Variants in GNG7 observed in about 807,000 individuals in gnomAD.
The protein encoded by GNG7 is G protein subunit gamma 7, also known as guanine nucleotide-binding protein G(I)/G(S)/G(O) subunit gamma-7.
Under a neutral mutation model 4.0 loss-of-function variants are expected in GNG7, and 1 was observed. That is an observed-to-expected ratio of 0.25 (90% CI 0.09 to 1.18). The LOEUF is 1.18. Among genes scored for constraint, GNG7 ranks in the 50% most tolerant of loss-of-function variants. The probability of loss-of-function intolerance (pLI) is 0.50; values close to 1 mark genes in which losing one functional copy is unlikely to be tolerated. For missense variants in GNG7, 86 were observed against 91.9 expected (o/e 0.94, Z 0.26); for synonymous variants, 34 against 36.9 (o/e 0.92, Z 0.29).
intron 2 of GNG7, among the ~76,000 whole-genome samples, chr19:2,627,612 C>T (rs1216433040): frequency 6.6e-6 from 1 of 152,228 alleles, no homozygotes. Context: ...GGGTGACTGG[C>T]TCGAGACTTG....
At chr19:2,602,897 T>TTTTCTTTCTTTCTTTCTTTC (rs375016997) in intron 2 of GNG7, among the ~76,000 whole-genome samples, 1 of 103,306 alleles carries the variant, frequency 9.7e-6, no homozygotes, top group African/African-American at 4.4e-5. Context: ...CTTTTTCTCT[T>TTTTCTTTCTTTCTTTCTTTC]TTTCTTTCTT....
chr19:2,560,988 A>C (rs543274132), intron 2 of GNG7, among the ~76,000 whole-genome samples: 162 of 151,332 alleles, frequency 1.1e-3, no homozygotes, highest in African/African-American at 3.7e-3. Flanking sequence ...TTGGGAAAAC[A>C]GTTGAATGCA....
At chr19:2,679,585 T>TA (rs1226529583) in intron 1 of GNG7, among the ~76,000 whole-genome samples, 2 of 152,176 alleles carry the variant, frequency 1.3e-5, no homozygotes, top group Non-Finnish European at 2.9e-5. Context: ...GTAGGCATTC[T>TA]AAATCCAATG....
intron 1 of GNG7, among the ~76,000 whole-genome samples, chr19:2,681,714 C>CAT (rs1983740554): frequency 6.6e-6 from 1 of 152,146 alleles, no homozygotes; most frequent in African/African-American, 2.4e-5. Context: ...AGCTGTACCA[C>CAT]ATGATGTTCC....
chr19:2,525,970 A>ATTTTTTTTTTTTTTTTTTT (rs1568231777), intron 3 of GNG7, among the ~76,000 whole-genome samples: 2 of 26,786 alleles, frequency 7.5e-5, no homozygotes, highest in African/African-American at 5.8e-4. Context: ...CCTCCACGCC[A>ATTTTTTTTTTTTTTTTTTT]ATTTTTTTTT....
chr19:2,662,607 T>C lies in GNG7; in HGVS notation c.-134-16327A>G, dbSNP rs140226865. 8.3e-3 allele frequency among the ~76,000 whole-genome samples: 1,262 copies of C among 152,302 alleles called. 6 individuals are homozygous for C. Among genetic ancestry groups the C allele is most frequent in the Middle Eastern group, 0.031 (9 of 294 alleles). On this transcript the variant is annotated intron_variant, in intron 1 of 4. Transcript: ENST00000382159. ...ATTACAAAGAATACAGACGAAAAGATGCATAGGATGAGGTATAGGGAAGAA... is the reference window on the plus strand; with the variant it reads ...ATTACAAAGAATACAGACGAAAAGACGCATAGGATGAGGTATAGGGAAGAA...
intron 1 of GNG7, among the ~76,000 whole-genome samples, chr19:2,670,247 C>A (rs1428659107): frequency 6.6e-6 from 1 of 152,154 alleles, no homozygotes; most frequent in Non-Finnish European, 1.5e-5. Context: ...GCCACGGAGA[C>A]CCACCCTCCC....
At chr19:2,520,574 C>T in intron 4 of GNG7, 34 bp downstream of exon 4, 1 of 1,306,836 alleles carries the variant, frequency 7.7e-7, no homozygotes, top group Non-Finnish European at 1.1e-6. Flanking sequence ...CCAAGGGTCT[C>T]TCCCCTCCTC....
chr19:2,696,167 A>G lies in GNG7; in HGVS notation c.-135+6479T>C, dbSNP rs896067020. On this transcript the variant is annotated intron_variant, in intron 1 of 4. Transcript: ENST00000382159. ...GCAAGACTCCGTCAAAAAAAAAGAA[A>G]AGAGAGAAAGAGAGAGAGGAGAGAG... Among the ~76,000 whole-genome samples, 15 of 149,606 alleles carry G rather than the reference A, an allele frequency of 1.0e-4. 1 individual carries two copies. Among genetic ancestry groups the G allele is most frequent in the African/African-American group, 3.7e-4 (15 of 40,246 alleles).
intron 2 of GNG7, among the ~76,000 whole-genome samples, chr19:2,597,771 C>T (rs1219598361): frequency 1.3e-5 from 2 of 150,760 alleles, no homozygotes; most frequent in Admixed American, 6.6e-5. Context: ...TGGCGGGCGC[C>T]TGTAGTGCCA....
chr19:2,660,506 C>T (rs1407972126), intron 1 of GNG7, among the ~76,000 whole-genome samples: 1 of 152,198 alleles, frequency 6.6e-6, no homozygotes. Context: ...TGTGGTGGCT[C>T]ACGCCTGTGA....
At position 2,525,971 on chromosome 19, in the gene GNG7, A is replaced by ATTTTTT. The variant is rs35639922; in HGVS notation, c.-37-5252_-37-5247dup. Among the ~76,000 whole-genome samples, 62 of 75,674 alleles carry ATTTTTT rather than the reference A, an allele frequency of 8.2e-4. 6 individuals are homozygous for ATTTTTT. The highest frequency in any genetic ancestry group is 0.011 in the Middle Eastern group (1 of 94). 49.6% of individuals were successfully genotyped at this position (75,674 alleles called of 152,430 possible). A position where few individuals can be genotyped will look rare whatever the true frequency, so the allele number is the denominator to read the frequency against. ...ATTACAGGTGCCTGCCTCCACGCCA[A>ATTTTTT]TTTTTTTTTTTTTTTTTGAGACAGA... On this transcript the variant is annotated intron_variant, in intron 3 of 4. Transcript: ENST00000382159.
intron 3 of GNG7, among the ~76,000 whole-genome samples, chr19:2,525,596 G>C (rs11881279): frequency 0.43 from 65,480 of 151,524 alleles, 14,599 homozygotes; most frequent in African/African-American, 0.57. Flanking sequence ...CCAGTGCACA[G>C]AAGGGCTGAA....
intron 4 of GNG7, among the ~76,000 whole-genome samples, chr19:2,516,404 T>C (rs960457897): frequency 6.6e-6 from 1 of 152,090 alleles, no homozygotes; most frequent in African/African-American, 2.4e-5. Flanking sequence ...TTTGTATTTT[T>C]AGTAGAGACG....
In GNG7 at chr19:2,557,044, C is replaced by T. The variant is rs1195766154; in HGVS notation, c.-77-1856G>A. Reference sequence around the variant, plus strand: ...ACACACGCACACACAGACACACGCACACTCACACACATATGCACGCACACA... The same window carrying T: ...ACACACGCACACACAGACACACGCATACTCACACACATATGCACGCACACA... On this transcript the variant is annotated intron_variant, in intron 2 of 4. Transcript: ENST00000382159. The surrounding 1 kb of genome is among the most constrained non-coding windows in gnomAD (Gnocchi z 5.1). 6.7e-6 allele frequency among the ~76,000 whole-genome samples: 1 copy of T among 148,762 alleles called. No homozygotes were observed. The highest frequency in any genetic ancestry group is 6.8e-5 in the Admixed American group (1 of 14,804).
chr19:2,527,774 A>ACC (rs59937877), intron 3 of GNG7, among the ~76,000 whole-genome samples: 1,670 of 125,014 alleles, frequency 0.013, 17 homozygotes, highest in African/African-American at 0.018. Context: ...TTGCCAGGAA[A>ACC]CCCCCCCCCC....
intron 3 of GNG7, among the ~76,000 whole-genome samples, chr19:2,530,642 C>T (rs543240807): frequency 6.6e-6 from 1 of 151,906 alleles, no homozygotes; most frequent in East Asian, 1.9e-4. Context: ...ATCACTTAAA[C>T]CCGGGAGGCA....
chr19:2,517,749 C>A (rs1167854396), intron 4 of GNG7, among the ~76,000 whole-genome samples: 1 of 152,102 alleles, frequency 6.6e-6, no homozygotes, highest in Non-Finnish European at 1.5e-5. Context: ...TAGGCTCAGG[C>A]GACCCTCCCG....
intron 2 of GNG7, among the ~76,000 whole-genome samples, chr19:2,563,721 A>G (rs546541445): frequency 6.6e-6 from 1 of 152,156 alleles, no homozygotes; most frequent in South Asian, 2.1e-4. Context: ...ACCTCAAGTG[A>G]TCTGCCCACC....
Sources: gnomAD v4.1 joint callset for allele counts (sites outside exome capture counted in the v4.1 genomes callset) on GRCh38, gnomAD v4.1.1 for gene constraint, Gnocchi (gnomAD v3.1) non-coding constraint, MANE v1.5 for transcripts, NCBI Gene and HGNC (gene_info 2026-07-23, HGNC 2026-07-21) for gene names.